The following ATP6V0A1 variants were observed in gnomAD, a reference collection of about 807,000 sequenced individuals.
The protein encoded by ATP6V0A1 is ATPase H+ transporting V0 subunit a1.
Under a neutral mutation model 105.4 loss-of-function variants are expected in ATP6V0A1, and 43 were observed. The observed-to-expected ratio is 0.41, with a 90% confidence interval of 0.32 to 0.53. ATP6V0A1 has a LOEUF of 0.53. ATP6V0A1 is among the 20% of genes least tolerant of loss of function. The probability of loss-of-function intolerance (pLI) is 0.30; values close to 1 mark genes in which losing one functional copy is unlikely to be tolerated. For missense variants in ATP6V0A1, 676 were observed against 1,051.1 expected (o/e 0.64, Z 4.93); for synonymous variants, 362 against 372.8 (o/e 0.97, Z 0.33).
At chr17:42,462,044 C>CAAA (rs1040242459) in intron 2 of ATP6V0A1, among the ~76,000 whole-genome samples, 3 of 52,892 alleles carry the variant, frequency 5.7e-5, no homozygotes, top group Non-Finnish European at 7.6e-5. Context: ...CCGTCTCTGC[C>CAAA]AAAAAAAAAA....
chr17:42,468,118 C>T lies in ATP6V0A1; in HGVS notation c.294+11C>T, dbSNP rs762392546. The T allele has an allele frequency of 1.3e-6, 2 of 1,535,162 alleles. No individual in the cohort carries two copies. The highest frequency in any genetic ancestry group is 1.2e-5 in the South Asian group (1 of 81,258). ...ATGATTGACTTAGAGGTAAACACTT[C>T]TGGGAAAACCAGAAAAGTTTCTTTC... On this transcript the variant is annotated intron_variant, in intron 4 of 21. Transcript: ENST00000343619.
intron 19 of ATP6V0A1, 74 bp downstream of exon 19, chr17:42,508,663 AC>A: frequency 6.5e-7 from 1 of 1,543,914 alleles, no homozygotes; most frequent in Non-Finnish European, 8.8e-7. Context: ...CACTCTGCTG[AC>A]CCTGCCACAC....
intron 5 of ATP6V0A1, among the ~76,000 whole-genome samples, chr17:42,475,329 GTT>G (rs2088588677): frequency 6.6e-6 from 1 of 152,142 alleles, no homozygotes; most frequent in African/African-American, 2.4e-5. Flanking sequence ...GTAAGGCGTG[GTT>G]TTCAGTATCT....
chr17:42,501,526 T>C (rs986663774), intron 17 of ATP6V0A1, among the ~76,000 whole-genome samples: 2 of 152,126 alleles, frequency 1.3e-5, no homozygotes, highest in African/African-American at 4.8e-5. Context: ...GCAATTCTTT[T>C]GCCTCAGCCT....
chr17:42,495,582 C>T lies in ATP6V0A1; in HGVS notation c.1470-44C>T, dbSNP rs376094792. On this transcript the variant is annotated intron_variant, in intron 13 of 21. Transcript: ENST00000343619. ...CAGTTTCTGGACCCTTGTTGTTTCC[C>T]TCTCTTGTTCAAAAATAATGTGACT... 1.7e-5 allele frequency: 25 copies of T among 1,484,912 alleles called. No individual in the cohort carries two copies. The South Asian group carries it at 2.6e-4, about 16-fold the overall frequency. 92.0% of individuals were successfully genotyped at this position (1,484,912 alleles called of 1,614,324 possible). A position where few individuals can be genotyped will look rare whatever the true frequency, so the allele number is the denominator to read the frequency against.
At chr17:42,467,385 T>G (rs2145683829) in intron 3 of ATP6V0A1, among the ~76,000 whole-genome samples, 1 of 152,306 alleles carries the variant, frequency 6.6e-6, no homozygotes, top group East Asian at 1.9e-4. Flanking sequence ...GTCCATGATC[T>G]TGCCACTCTA....
intron 9 of ATP6V0A1, among the ~76,000 whole-genome samples, chr17:42,486,289 T>C (rs2090104669): frequency 6.6e-6 from 1 of 152,020 alleles, no homozygotes; most frequent in South Asian, 2.1e-4. Context: ...CGCGCGCCTG[T>C]AATCCCAGCT....
Position 42,478,599 on chromosome 17 carries a change from G to A in ATP6V0A1, c.633+10G>A, listed in dbSNP as rs957349623. On this transcript the variant is annotated intron_variant, in intron 7 of 21. Transcript: ENST00000343619. ...GGAGGATCCTGTGACTGTAAGACAA[G>A]GAGATTGCATCCTGTGGAGTAGGTC... The A allele has an allele frequency of 1.9e-6, 3 of 1,565,422 alleles. No individual in the cohort carries two copies. The African/African-American group carries it at 4.1e-5, about 21-fold the overall frequency.
At chr17:42,486,139 A>G (rs1004336079) in intron 9 of ATP6V0A1, among the ~76,000 whole-genome samples, 3 of 151,522 alleles carry the variant, frequency 2.0e-5, no homozygotes, top group African/African-American at 7.3e-5. Context: ...TGGGCTGGAC[A>G]TGTTGGCTCA....
chr17:42,479,460 T>G (rs2089216140), intron 7 of ATP6V0A1, among the ~76,000 whole-genome samples: 1 of 152,272 alleles, frequency 6.6e-6, no homozygotes, highest in African/African-American at 2.4e-5. Context: ...AACCTGCATT[T>G]AGGTATGGTG....
chr17:42,462,409 T>G (rs1192895549), intron 2 of ATP6V0A1, among the ~76,000 whole-genome samples: 1 of 151,852 alleles, frequency 6.6e-6, no homozygotes, highest in Admixed American at 6.6e-5. Context: ...ATGTGTGGTT[T>G]TTGTTGTTGT....
intron 7 of ATP6V0A1, among the ~76,000 whole-genome samples, chr17:42,479,362 AG>A (rs1232029305): frequency 6.6e-6 from 1 of 152,250 alleles, no homozygotes; most frequent in Non-Finnish European, 1.5e-5. Context: ...CGCACAAAAT[AG>A]GATGATCTTC....
At chr17:42,460,722 A>C (rs2086302027) in intron 1 of ATP6V0A1, 126 bp from the exon 2 acceptor site, 1 of 551,866 alleles carries the variant, frequency 1.8e-6, no homozygotes, top group Non-Finnish European at 3.3e-6. Flanking sequence ...ACAGGGTGTC[A>C]AAAACAGTTG....
Position 42,487,173 on chromosome 17 carries a change from G to A in ATP6V0A1, c.829G>A (p.Asp277Asn). ...CCCAAAGGTTCTGAATCAAACGGAG[G>A]ATCACCGCCAGAGGGTTCTGCAGGC... is the stretch of plus-strand genomic sequence containing the variant. Reference protein sequence around the residue: ...DLQMVLNQTEDHRQRVLQAAA... With the variant: ...DLQMVLNQTENHRQRVLQAAA... The change falls in exon 10 of 22, where the codon GAT becomes AAT. Residue 277 changes from aspartate to asparagine, a missense_variant. Around this residue, in one of 3 missense-constraint regions of ATP6V0A1, gnomAD observed 239 missense variants for 388.4 expected, o/e 0.62. Transcript: ENST00000343619. 1 of 1,614,130 alleles carries A rather than the reference G, an allele frequency of 6.2e-7. No individual in the cohort carries two copies. The highest frequency in any genetic ancestry group is 1.3e-5 in the African/African-American group (1 of 75,032).
At chr17:42,469,939 A>G in intron 4 of ATP6V0A1, 151 bp from the exon 5 acceptor site, 1 of 808,042 alleles carries the variant, frequency 1.2e-6, no homozygotes, top group Non-Finnish European at 1.9e-6. Flanking sequence ...CATAAAGAAA[A>G]TTGCTCTAGT....
chr17:42,520,934 G>A lies in ATP6V0A1; in HGVS notation c.2421-93G>A, dbSNP rs112824419. Reference sequence around the variant, plus strand: ...AGGGAAGGGAGGCTCGGGGTGAGGTGGGCACGGGGCATCTTTCCTGCCCAA... The same window carrying A: ...AGGGAAGGGAGGCTCGGGGTGAGGTAGGCACGGGGCATCTTTCCTGCCCAA... On this transcript the variant is annotated intron_variant, in intron 21 of 21. Transcript: ENST00000343619. The A allele has an allele frequency of 2.5e-3, 2,827 of 1,122,790 alleles. 10 individuals are homozygous for A. Among genetic ancestry groups the A allele is most frequent in the Admixed American group, 3.5e-3 (154 of 44,152 alleles). 69.6% of individuals were successfully genotyped at this position (1,122,790 alleles called of 1,614,324 possible). A position where few individuals can be genotyped will look rare whatever the true frequency, so the allele number is the denominator to read the frequency against.
chr17:42,506,043 C>T (rs1173474384), intron 17 of ATP6V0A1, among the ~76,000 whole-genome samples: 2 of 152,194 alleles, frequency 1.3e-5, no homozygotes, highest in African/African-American at 4.8e-5. Context: ...CTGACTCGGC[C>T]TTCCAAAATG....
chr17:42,490,523 A>T lies in ATP6V0A1; in HGVS notation c.1060A>T (p.Arg354Trp). ...TTCCACTGTACCTTCCATTTTGAAC[A>T]GGATGCAGACAAACCAGACTCCCCC... The part of the protein sequence containing the change: ...SGSTVPSILN[R>W]MQTNQTPPTY... Residue 354 changes from arginine to tryptophan, a missense_variant, in exon 11 of 22, where the codon AGG (arginine) becomes TGG (tryptophan). Around this residue, in one of 3 missense-constraint regions of ATP6V0A1, gnomAD observed 435 missense variants for 642.2 expected, o/e 0.68. Transcript: ENST00000343619. 2 of 1,610,952 alleles carry T rather than the reference A, an allele frequency of 1.2e-6. No individual in the cohort carries two copies. The highest frequency in any genetic ancestry group is 1.7e-6 in the Non-Finnish European group (2 of 1,179,118).
chr17:42,477,571 T>A (rs1386377233), intron 5 of ATP6V0A1, 89 bp from the exon 6 acceptor site: 1 of 1,349,736 alleles, frequency 7.4e-7, no homozygotes, highest in Non-Finnish European at 1.0e-6. Flanking sequence ...TGAACCTGTC[T>A]CCTGGTTCCT....
Sources: allele counts gnomAD v4.1 joint callset (sites outside exome capture counted in the v4.1 genomes callset), GRCh38; gene constraint gnomAD v4.1.1; regional missense constraint gnomAD v4.1.1; transcripts MANE v1.5; gene names NCBI Gene and HGNC (gene_info 2026-07-23, HGNC 2026-07-21).